Variants in ZNF385D observed in about 807,000 individuals in gnomAD.
The protein encoded by ZNF385D is zinc finger protein 659.
Under a neutral mutation model 35.8 loss-of-function variants are expected in ZNF385D, and 15 were observed. The ratio of observed to expected loss-of-function variants is 0.42; its 90% CI spans 0.28 to 0.64. The LOEUF is 0.64. ZNF385D is among the 30% of genes least tolerant of loss of function. The pLI is 0.23. For missense variants in ZNF385D, 474 were observed against 494.6 expected, an observed-to-expected ratio of 0.96 and a Z score of 0.39; for synonymous variants, 212 against 186.8, an observed-to-expected ratio of 1.13 and a Z score of -1.10.
intron 3 of ZNF385D, among the ~76,000 whole-genome samples, chr3:21,768,805 A>G (rs2070947470): frequency 6.6e-6 from 1 of 151,722 alleles, no homozygotes; most frequent in Admixed American, 6.6e-5. Flanking sequence ...CTGGGGACGA[A>G]CGCCCCATCC....
chr3:21,701,771 G>A (rs532060048), intron 1 of ZNF385D, among the ~76,000 whole-genome samples: 3 of 152,146 alleles, frequency 2.0e-5, no homozygotes, highest in African/African-American at 7.2e-5. Context: ...CCAAAACAAG[G>A]GATTACAGGG....
At chr3:21,864,149 T>C (rs1257945826) in intron 3 of ZNF385D, among the ~76,000 whole-genome samples, 2 of 152,136 alleles carry the variant, frequency 1.3e-5, no homozygotes, top group African/African-American at 4.8e-5. Context: ...GGGTTCATTT[T>C]ACAGTTGAAT....
intron 1 of ZNF385D, among the ~76,000 whole-genome samples, chr3:21,747,102 G>A (rs1348017306): frequency 7.7e-6 from 1 of 129,392 alleles, no homozygotes; most frequent in African/African-American, 3.0e-5. Context: ...GTTTTGTTTT[G>A]TTTTTATTAT....
At chr3:22,310,707 C>T (rs916094338) in intron 2 of ZNF385D, among the ~76,000 whole-genome samples, 3 of 151,888 alleles carry the variant, frequency 2.0e-5, no homozygotes, top group Admixed American at 6.6e-5. Context: ...TTTCCTTTAA[C>T]GCCCTCAAAA....
rs1211661150 is a variant in ZNF385D, at chr3:21,443,036, T to G, written c.440-5833A>C. 1.6e-5 allele frequency: 12 copies of G among 756,580 alleles called. No individual in the cohort carries two copies. The South Asian group carries it at 7.2e-4, about 45-fold the overall frequency. The allele number at this position is 756,580 out of a possible 1,614,324, so 46.9% of individuals were successfully genotyped here. A position where few individuals can be genotyped will look rare whatever the true frequency, so the allele number is the denominator to read the frequency against. ...AAAATGTATGTCTAAGCAGAAAAAG[T>G]CCCCCTGCTCTGAATTCCTCACTCC... On this transcript the variant is annotated intron_variant, in intron 4 of 7. Transcript: ENST00000281523.
chr3:21,503,293 CAT>C lies in ZNF385D; in HGVS notation c.439+7566_439+7567del, dbSNP rs1360127806. On this transcript the variant is annotated intron_variant, in intron 4 of 7. Transcript: ENST00000281523. ...ATGTACAATATATCCTATATACAAA[CAT>C]ATGAGATATATGTCTTTCTGAAATC... Among the ~76,000 whole-genome samples, 3 of 152,246 alleles carry C rather than the reference CAT, an allele frequency of 2.0e-5. No homozygotes were observed. The East Asian group carries it at 5.8e-4, about 29-fold the overall frequency.
chr3:21,984,318 A>G (rs1220827595), intron 3 of ZNF385D, among the ~76,000 whole-genome samples: 3 of 140,596 alleles, frequency 2.1e-5, no homozygotes, highest in Middle Eastern at 3.2e-3. Context: ...TTAAATCTTT[A>G]ATCCATCTTG....
At chr3:22,260,422 G>A (rs1400830726) in intron 2 of ZNF385D, among the ~76,000 whole-genome samples, 1 of 151,750 alleles carries the variant, frequency 6.6e-6, no homozygotes, top group Non-Finnish European at 1.5e-5. Flanking sequence ...CTAGATGTTG[G>A]GTTGACAGGT....
At chr3:22,038,408 A>C (rs1293655365) in intron 3 of ZNF385D, among the ~76,000 whole-genome samples, 1 of 152,156 alleles carries the variant, frequency 6.6e-6, no homozygotes, top group Non-Finnish European at 1.5e-5. Context: ...TCTTGGCCTC[A>C]GTTACTTCAG....
chr3:21,534,288 C>A (rs1227012639), intron 3 of ZNF385D, among the ~76,000 whole-genome samples: 1 of 151,958 alleles, frequency 6.6e-6, no homozygotes, highest in Non-Finnish European at 1.5e-5. Context: ...AGACTAGGTG[C>A]AAAACTGAAA....
rs1221111352 is a variant in ZNF385D at position 22,045,905 on chromosome 3, A to AAACAAATTTCT, written c.325+122901_325+122911dup. 2.6e-5 allele frequency among the ~76,000 whole-genome samples: 4 copies of AAACAAATTTCT among 152,116 alleles called. No homozygotes were observed. In the East Asian group the frequency reaches 7.7e-4, roughly 29 times the overall value. ...AGAGGTAGAATTATAATGGAGATCTAAACAAATTTCTCTATCTCCAAGCCC... is the reference window on the plus strand; with the variant it reads ...AGAGGTAGAATTATAATGGAGATCTAAACAAATTTCTAACAAATTTCTCTATCTCCAAGCCC... On this transcript the variant is annotated intron_variant, in intron 3 of 5. Transcript: ENST00000494108.
At chr3:21,455,970 A>C (rs1380557904) in intron 4 of ZNF385D, among the ~76,000 whole-genome samples, 1 of 152,186 alleles carries the variant, frequency 6.6e-6, no homozygotes, top group Non-Finnish European at 1.5e-5. Context: ...ATGCAGCCAA[A>C]AGACACATGA....
chr3:21,645,293 G>C (rs920586375), intron 2 of ZNF385D, among the ~76,000 whole-genome samples: 1 of 152,124 alleles, frequency 6.6e-6, no homozygotes, highest in Admixed American at 6.6e-5. Flanking sequence ...CAGTTGTTGA[G>C]AGGGGGTGGC....
chr3:21,495,091 G>A (rs969975702), intron 4 of ZNF385D, among the ~76,000 whole-genome samples: 3 of 151,872 alleles, frequency 2.0e-5, no homozygotes, highest in Non-Finnish European at 4.4e-5. Context: ...TCATTGCTTC[G>A]ATATCTCATA....
chr3:21,520,573 A>G (rs1347346729), intron 3 of ZNF385D, among the ~76,000 whole-genome samples: 2 of 152,148 alleles, frequency 1.3e-5, no homozygotes, highest in Non-Finnish European at 2.9e-5. Flanking sequence ...ACAAACACAA[A>G]CTATTATTTT....
intron 4 of ZNF385D, among the ~76,000 whole-genome samples, chr3:21,499,017 T>C (rs1706155316): frequency 1.3e-5 from 2 of 149,224 alleles, no homozygotes; most frequent in South Asian, 4.2e-4. Flanking sequence ...AAAACACTTA[T>C]ATACTGTTGG....
intron 2 of ZNF385D, among the ~76,000 whole-genome samples, chr3:22,309,641 T>C (rs1243296533): frequency 6.6e-6 from 1 of 152,012 alleles, no homozygotes; most frequent in African/African-American, 2.4e-5. Context: ...TTTAAAATCA[T>C]AAAAAGGTCA....
At chr3:21,707,132 T>C (rs2067935596) in intron 1 of ZNF385D, among the ~76,000 whole-genome samples, 1 of 152,142 alleles carries the variant, frequency 6.6e-6, no homozygotes, top group Admixed American at 6.5e-5. Context: ...GCTGATGAAA[T>C]GAATCACACT....
chr3:22,202,335 T>C (rs571095597), intron 2 of ZNF385D, among the ~76,000 whole-genome samples: 2 of 152,168 alleles, frequency 1.3e-5, no homozygotes, highest in African/African-American at 2.4e-5. Flanking sequence ...GATTCAGCCA[T>C]GTCTCCTTCT....
Sources: allele counts gnomAD v4.1 joint callset (sites outside exome capture counted in the v4.1 genomes callset), GRCh38; gene constraint gnomAD v4.1.1; transcripts MANE v1.5; gene names NCBI Gene and HGNC (gene_info 2026-07-23, HGNC 2026-07-21).